NAMPT: variants seen among roughly 807,000 people sequenced by gnomAD.
NAMPT encodes the protein NAmPRTase.
Under a neutral mutation model 58.7 loss-of-function variants are expected in NAMPT, and 7 were observed. The ratio of observed to expected loss-of-function variants is 0.12; its 90% CI spans 0.07 to 0.22. The LOEUF (loss-of-function observed/expected upper bound fraction) is 0.22. Among genes scored for constraint, NAMPT ranks in the 10% least tolerant of loss-of-function variants. The pLI is 1.00. For synonymous variants in NAMPT, 145 were observed against 198.1 expected, an observed-to-expected ratio of 0.73 and a Z score of 2.25; for missense variants, 271 against 567.9, an observed-to-expected ratio of 0.48 and a Z score of 5.31.
chr7:106,266,897 T>C (rs945289115), intron 6 of NAMPT, among the ~76,000 whole-genome samples: 5 of 152,172 alleles, frequency 3.3e-5, no homozygotes, highest in South Asian at 2.1e-4. Context: ...GTGCACATAG[T>C]TAACATTCAG....
At chr7:106,272,493 CAATT>C in intron 4 of NAMPT, 33 bp downstream of exon 4, 1 of 1,547,856 alleles carries the variant, frequency 6.5e-7, no homozygotes, top group Non-Finnish European at 8.8e-7. Context: ...GGTCTTTATT[CAATT>C]AATGTTAAAT....
rs1436164453 is a variant in NAMPT at position 106,265,289 on chromosome 7, T to G, written c.744-1672A>C. ...TATAACGTTGTATCAGTAAGTCACC[T>G]AACGATCTACTTGTATCATGTCTAG... On this transcript the variant is annotated intron_variant, in intron 6 of 10. Coordinates refer to ENST00000222553, the MANE Select transcript of NAMPT (RefSeq NM_005746.3). Among the ~76,000 whole-genome samples the G allele has an allele frequency of 2.0e-5, 3 of 152,166 alleles. No individual in the cohort carries two copies. In the East Asian group the frequency reaches 5.8e-4, roughly 29 times the overall value.
In NAMPT at chr7:106,251,170, C is replaced by T. The variant is rs1465636383; in HGVS notation, c.1389G>A (p.Lys463=). ...YGQDLLHTVF[K]NGKVTKSYSF... Reference sequence around the variant, plus strand: ...AATAGCTTTTTGTCACCTTGCCATTCTTGAAGACAGTATGGAGAAGATCCT... The same window carrying T: ...AATAGCTTTTTGTCACCTTGCCATTTTTGAAGACAGTATGGAGAAGATCCT... The change falls in exon 11 of 11, where the codon AAG becomes AAA. Residue 463 remains lysine, a synonymous_variant. Transcript: ENST00000222553. 1.2e-6 allele frequency: 2 copies of T among 1,601,584 alleles called. No individual in the cohort carries two copies. The highest frequency in any genetic ancestry group is 1.7e-6 in the Non-Finnish European group (2 of 1,169,064).
At chr7:106,279,911 G>A (rs541539122) in intron 1 of NAMPT, among the ~76,000 whole-genome samples, 9 of 152,256 alleles carry the variant, frequency 5.9e-5, no homozygotes, top group African/African-American at 2.2e-4. Flanking sequence ...ATAAGGGACA[G>A]AACAGAAGGC....
rs544644405 is a variant in NAMPT at position 106,258,261 on chromosome 7, A to G, written c.1089+3327T>C. The stretch of plus-strand genomic sequence containing the variant: ...CTCATATTGGAACTCTAAATACACC[A>G]TCACCGCAGAAATACTGTTTGATTT... On this transcript the variant is annotated intron_variant, in intron 8 of 10. Coordinates refer to ENST00000222553, the MANE Select transcript of NAMPT (RefSeq NM_005746.3). Among the ~76,000 whole-genome samples the G allele has an allele frequency of 2.3e-3, 342 of 151,912 alleles. 1 individual carries two copies. The highest frequency in any genetic ancestry group is 7.7e-3 in the African/African-American group (321 of 41,534).
At position 106,250,165 on chromosome 7, in the gene NAMPT, T is replaced by C. The variant is rs1792082280; in HGVS notation, c.*918A>G. On this transcript the variant is annotated 3_prime_UTR_variant, in exon 11 of 11. Transcript: ENST00000222553. The stretch of plus-strand genomic sequence containing the variant: ...TTTAAGTCATACCAACTATAGAATA[T>C]GAAAAATAAATTCAGAAGTGTAATT... 1 of 152,514 alleles carries C rather than the reference T, an allele frequency of 6.6e-6. No homozygotes were observed. Among genetic ancestry groups the C allele is most frequent in the South Asian group, 2.1e-4 (1 of 4,834 alleles). The allele number at this position is 152,514 out of a possible 1,614,324, so 9.4% of individuals were successfully genotyped here.
At position 106,277,198 on chromosome 7, in the gene NAMPT, T is replaced by C. The variant is rs1586026470; in HGVS notation, c.58-19A>G. 3 of 1,596,108 alleles carry C rather than the reference T, an allele frequency of 1.9e-6. No homozygotes were observed. The highest frequency in any genetic ancestry group is 2.6e-6 in the Non-Finnish European group (3 of 1,167,874). ...GAGTAACCTATGTAAAGAAATACAC[T>C]TCTGTTAGAAAACACCGATGAGTAG... On this transcript the variant is annotated intron_variant, in intron 1 of 10. Transcript: ENST00000222553.
At chr7:106,257,566 G>A (rs1792224844) in intron 8 of NAMPT, among the ~76,000 whole-genome samples, 1 of 151,760 alleles carries the variant, frequency 6.6e-6, no homozygotes, top group Admixed American at 6.6e-5. Context: ...GGGAGGTTGA[G>A]GCTGCAGTGA....
In NAMPT at chr7:106,248,839, A is replaced by G. The variant is rs1792060659; in HGVS notation, c.*2244T>C. The G allele has an allele frequency of 6.6e-6, 1 of 152,106 alleles. No homozygotes were observed. Among genetic ancestry groups the G allele is most frequent in the African/African-American group, 2.4e-5 (1 of 41,446 alleles). 9.4% of individuals were successfully genotyped at this position (152,106 alleles called of 1,614,324 possible). Reference sequence around the variant, plus strand: ...TGGTGCTCAGAATGGAGATGGCCAAATACCAAGTGCTTAGTGACAGAAAGT... The same window carrying G: ...TGGTGCTCAGAATGGAGATGGCCAAGTACCAAGTGCTTAGTGACAGAAAGT... On this transcript the variant is annotated 3_prime_UTR_variant, in exon 11 of 11. Coordinates refer to ENST00000222553, the MANE Select transcript of NAMPT (RefSeq NM_005746.3).
upstream of NAMPT, chr7:106,285,879 G>C (rs1792873051): frequency 1.3e-5 from 2 of 152,250 alleles, no homozygotes; most frequent in African/African-American, 4.8e-5. Context: ...CTTTGACAGG[G>C]TGCGACACTG....
upstream of NAMPT, chr7:106,285,187 G>A: frequency 8.2e-7 from 1 of 1,220,910 alleles, no homozygotes; most frequent in Non-Finnish European, 1.0e-6. Context: ...GGCGGGGCGC[G>A]GCAGCGCGCT....
At chr7:106,261,800 G>T in intron 7 of NAMPT, 93 bp from the exon 8 acceptor site, 1 of 1,352,602 alleles carries the variant, frequency 7.4e-7, no homozygotes, top group South Asian at 1.3e-5. Flanking sequence ...TTTGATAATC[G>T]AGAATATAAA....
upstream of NAMPT, chr7:106,285,091 C>T (rs991037410): frequency 1.0e-5 from 14 of 1,349,658 alleles, no homozygotes; most frequent in African/African-American, 1.9e-4. Flanking sequence ...TGCGGCGGCT[C>T]GCGTGCTCGC....
intron 6 of NAMPT, among the ~76,000 whole-genome samples, chr7:106,263,907 C>G (rs766800734): frequency 3.3e-5 from 5 of 151,886 alleles, no homozygotes; most frequent in Non-Finnish European, 5.9e-5. Context: ...TTCTGGTATT[C>G]CTGAATCTAC....
intron 6 of NAMPT, among the ~76,000 whole-genome samples, chr7:106,265,475 TTAATC>T (rs752374251): frequency 1.3e-5 from 2 of 151,878 alleles, no homozygotes; most frequent in Non-Finnish European, 2.9e-5. Flanking sequence ...CTCTCCTTCT[TTAATC>T]TAACCTGTCA....
intron 7 of NAMPT, among the ~76,000 whole-genome samples, chr7:106,261,928 T>C (rs1296507029): frequency 2.0e-5 from 3 of 151,988 alleles, no homozygotes; most frequent in Non-Finnish European, 4.4e-5. Context: ...ATGAAGTGAA[T>C]TCACATCATA....
chr7:106,281,197 T>C (rs899090860), intron 1 of NAMPT, among the ~76,000 whole-genome samples: 1 of 151,846 alleles, frequency 6.6e-6, no homozygotes, highest in Non-Finnish European at 1.5e-5. Flanking sequence ...CTAAATATCC[T>C]TGTTCCAAGT....
upstream of NAMPT, chr7:106,285,065 C>T (rs1586032321): frequency 1.5e-6 from 2 of 1,356,326 alleles, no homozygotes; most frequent in African/African-American, 1.5e-5. Flanking sequence ...AGCCGTGACG[C>T]GGCGCGGGTG....
intron 10 of NAMPT, among the ~76,000 whole-genome samples, chr7:106,251,400 T>C (rs1235154867): frequency 1.3e-5 from 2 of 152,068 alleles, no homozygotes; most frequent in Admixed American, 6.6e-5. Flanking sequence ...TGTAGAAATA[T>C]TTAACTTCTA....
Sources: allele counts gnomAD v4.1 joint callset (sites outside exome capture counted in the v4.1 genomes callset), GRCh38; gene constraint gnomAD v4.1.1; transcripts MANE v1.5; gene names NCBI Gene and HGNC (gene_info 2026-07-23, HGNC 2026-07-21).